Variants in HIPK1 observed in about 807,000 individuals in gnomAD.
HIPK1 encodes homeodomain-interacting protein kinase 1.
In HIPK1, 28 loss-of-function variants were observed where a neutral mutation model predicts 117.1. The ratio of observed to expected loss-of-function variants is 0.24; its 90% CI spans 0.18 to 0.33. The LOEUF (loss-of-function observed/expected upper bound fraction) is 0.33. Ranked by LOEUF, HIPK1 falls within the 10% of genes least tolerant of loss-of-function variation. The pLI, the probability that HIPK1 is intolerant of heterozygous loss-of-function variation, is 1.00. For missense variants in HIPK1, 1,122 were observed against 1,475.1 expected (o/e 0.76, Z 3.92); for synonymous variants, 605 against 562.5 (o/e 1.08, Z -1.07).
At chr1:113,961,442 G>T (rs1222419756) in intron 8 of HIPK1, among the ~76,000 whole-genome samples, 1 of 152,006 alleles carries the variant, frequency 6.6e-6, no homozygotes, top group Non-Finnish European at 1.5e-5. Context: ...GTTCATGCCT[G>T]GTTAAGGATA....
intron 10 of HIPK1, among the ~76,000 whole-genome samples, chr1:113,964,686 A>AT (rs1672334659): frequency 6.6e-6 from 1 of 152,230 alleles, no homozygotes; most frequent in Non-Finnish European, 1.5e-5. Context: ...TCACTTCCAG[A>AT]TTAATTTTCT....
intron 9 of HIPK1, among the ~76,000 whole-genome samples, chr1:113,962,713 C>G (rs554763651): frequency 3.9e-5 from 6 of 152,048 alleles, no homozygotes; most frequent in Admixed American, 1.3e-4. Context: ...CGGGGTGAAG[C>G]GTTTTTTTTT....
rs1347204895 is a variant in HIPK1 at position 113,974,238 on chromosome 1, T to G, written c.*726T>G. On this transcript the variant is annotated 3_prime_UTR_variant, in exon 16 of 16. Coordinates refer to ENST00000426820, the MANE Select transcript of HIPK1 (RefSeq NM_198268.3). The stretch of plus-strand genomic sequence containing the variant: ...GGCAGCTCACCATTTGCTGGTAACT[T>G]AATGTGAGAGAATCCATATCTGCGT... 6.6e-6 allele frequency: 1 copy of G among 152,606 alleles called. No homozygotes were observed. Among genetic ancestry groups the G allele is most frequent in the Non-Finnish European group, 1.5e-5 (1 of 68,030 alleles). The allele number at this position is 152,606 out of a possible 1,614,324, so 9.5% of individuals were successfully genotyped here. A position where few individuals can be genotyped will look rare whatever the true frequency, so the allele number is the denominator to read the frequency against.
At chr1:113,947,920 G>A in intron 2 of HIPK1, among the ~76,000 whole-genome samples, 1 of 152,252 alleles carries the variant, frequency 6.6e-6, no homozygotes, top group East Asian at 1.9e-4. Flanking sequence ...CCAGTTGTTG[G>A]AATGTTACAG....
intron 1 of HIPK1, chr1:113,929,825 C>T (rs1212619194): frequency 4.1e-6 from 4 of 986,156 alleles, no homozygotes; most frequent in Admixed American, 6.2e-5. Context: ...GGCCGGGGCC[C>T]GGGCCGGCTC....
chr1:113,972,937 A>C, intron 15 of HIPK1, 87 bp from the exon 16 acceptor site: 1 of 1,430,414 alleles, frequency 7.0e-7, no homozygotes, highest in Non-Finnish European at 9.4e-7. Context: ...AAACAGTACA[A>C]GTCAGAACCT....
At chr1:113,944,412 C>T (rs1212084113) in intron 2 of HIPK1, among the ~76,000 whole-genome samples, 3 of 151,368 alleles carry the variant, frequency 2.0e-5, no homozygotes, top group Admixed American at 2.0e-4. Context: ...GATCTGCCCA[C>T]CTTGGCCTCC....
chr1:113,940,553 ACTC>A lies in HIPK1; in HGVS notation c.174_176del (p.Ser59del). 1.2e-6 allele frequency: 2 copies of A among 1,613,746 alleles called. No individual in the cohort carries two copies. Among genetic ancestry groups the A allele is most frequent in the Non-Finnish European group, 1.7e-6 (2 of 1,179,924 alleles). On this transcript the variant is annotated inframe_deletion, in exon 2 of 16. Coordinates refer to ENST00000426820, the MANE Select transcript of HIPK1 (RefSeq NM_198268.3). ...CTCCCAGCCACACAAGGGCAAGCCA[ACTC>A]CTCTCACCAGGTAGCAAATTTCAAC...
rs369850193 is a variant in HIPK1, at chr1:113,971,792, A to G, written c.3014-32A>G. ...ATCTGAGGTTAGCTCAGTGATGTCTACTCATAACTATTAAGCCTGGTGCTT... is the reference window on the plus strand; with the variant it reads ...ATCTGAGGTTAGCTCAGTGATGTCTGCTCATAACTATTAAGCCTGGTGCTT... On this transcript the variant is annotated intron_variant, in intron 14 of 15. Coordinates refer to ENST00000426820, the MANE Select transcript of HIPK1 (RefSeq NM_198268.3). 9.5e-6 allele frequency: 15 copies of G among 1,581,792 alleles called. No homozygotes were observed. In the African/African-American group the frequency reaches 1.4e-4, roughly 14 times the overall value.
At chr1:113,937,019 A>G (rs1670296481) in intron 1 of HIPK1, among the ~76,000 whole-genome samples, 1 of 152,164 alleles carries the variant, frequency 6.6e-6, no homozygotes, top group Non-Finnish European at 1.5e-5. Flanking sequence ...TAATAGGTGC[A>G]TTTTGTAAAG....
intron 14 of HIPK1, 137 bp downstream of exon 14, chr1:113,970,334 A>C: frequency 1.1e-6 from 1 of 881,164 alleles, no homozygotes; most frequent in East Asian, 2.5e-5. Context: ...TTCAGAAATC[A>C]GTTCCCTGCA....
chr1:113,963,323 C>T, intron 9 of HIPK1, 64 bp from the exon 10 acceptor site: 2 of 1,573,498 alleles, frequency 1.3e-6, no homozygotes, highest in African/African-American at 1.4e-5. Flanking sequence ...GAATGAGAAC[C>T]CTTCTGAATC....
At chr1:113,953,074 T>C (rs1476129595) in intron 3 of HIPK1, among the ~76,000 whole-genome samples, 185 bp downstream of exon 3, 2 of 152,196 alleles carry the variant, frequency 1.3e-5, no homozygotes, top group Non-Finnish European at 2.9e-5. Flanking sequence ...GGCTAAAGTA[T>C]GTTTGCAATT....
chr1:113,956,696 G>A lies in HIPK1; in HGVS notation c.1477G>A (p.Asp493Asn), dbSNP rs775799694. 6.2e-7 allele frequency: 1 copy of A among 1,613,906 alleles called. No individual in the cohort carries two copies. ...AEKADRREYI[D>N]LLKKMLTIDA... is the part of the protein sequence containing the mutation. Reference sequence around the variant, plus strand: ...GAAGGCAGACCGAAGAGAATACATTGATCTGTTAAAGAAAATGCTCACAAT... The same window carrying A: ...GAAGGCAGACCGAAGAGAATACATTAATCTGTTAAAGAAAATGCTCACAAT... The change falls in exon 6 of 16, where the codon GAT (aspartate) becomes AAT (asparagine). Residue 493 changes from aspartate to asparagine, a missense_variant. By Grantham distance (23) the Asp-to-Asn change is conservative. This residue lies in a region of HIPK1 where 127 missense variants were observed against 197.9 expected (regional missense o/e 0.64). Coordinates refer to ENST00000426820, the MANE Select transcript of HIPK1 (RefSeq NM_198268.3).
At position 113,957,109 on chromosome 1, in the gene HIPK1, T is replaced by C. The variant is rs1362728406; in HGVS notation, c.1593-15T>C. 6.2e-7 allele frequency: 1 copy of C among 1,601,304 alleles called. No homozygotes were observed. The highest frequency in any genetic ancestry group is 1.1e-5 in the South Asian group (1 of 90,534). On this transcript the variant is annotated splice_polypyrimidine_tract_variant and intron_variant, in intron 6 of 15. Coordinates refer to ENST00000426820, the MANE Select transcript of HIPK1 (RefSeq NM_198268.3). ...TCTCAGCATTCATTTAATGAATCTTTAATCTCCTTTTCAGTGTTAAGTCTT... is the reference window on the plus strand; with the variant it reads ...TCTCAGCATTCATTTAATGAATCTTCAATCTCCTTTTCAGTGTTAAGTCTT...
intron 6 of HIPK1, 25 bp downstream of exon 6, chr1:113,956,836 T>C (rs1267487230): frequency 6.2e-7 from 1 of 1,605,936 alleles, no homozygotes; most frequent in Non-Finnish European, 8.5e-7. Context: ...TTCTGGGGCT[T>C]TTGCCATGTG....
chr1:113,973,190 A>G lies in HIPK1; in HGVS notation c.3311A>G (p.His1104Arg). ...CCACACCTTGCCCCGGCCCCTGCTC[A>G]CCTGCCAAGCCAGGCTCATCTGTAT... ...GHPHLAPAPAHLPSQAHLYTY... is the reference protein window; with the variant it reads ...GHPHLAPAPARLPSQAHLYTY... Residue 1104 changes from histidine (H) to arginine (R), a missense_variant, in exon 16 of 16, where the codon CAC becomes CGC. Physicochemically the swap from His to Arg is conservative, Grantham distance 29. Around this residue, in one of 6 missense-constraint regions of HIPK1, gnomAD observed 731 missense variants for 860.4 expected, o/e 0.85. Transcript: ENST00000426820. The G allele has an allele frequency of 6.2e-7, 1 of 1,612,692 alleles. No homozygotes were observed. The highest frequency in any genetic ancestry group is 8.5e-7 in the Non-Finnish European group (1 of 1,179,256).
chr1:113,932,380 T>G (rs969173201), intron 1 of HIPK1, among the ~76,000 whole-genome samples: 2 of 150,802 alleles, frequency 1.3e-5, no homozygotes, highest in South Asian at 2.1e-4. Context: ...GTTTTTTTTT[T>G]TTTTTTTTTT....
chr1:113,931,426 G>T (rs1571633245), intron 1 of HIPK1, among the ~76,000 whole-genome samples: 1 of 152,024 alleles, frequency 6.6e-6, no homozygotes, highest in Non-Finnish European at 1.5e-5. Context: ...AAGTACTTGC[G>T]GTTGGAACTG....
Sources: gnomAD v4.1 joint callset for allele counts (sites outside exome capture counted in the v4.1 genomes callset) on GRCh38, gnomAD v4.1.1 for gene constraint, gnomAD v4.1.1 regional missense constraint, MANE v1.5 for transcripts, NCBI Gene and HGNC (gene_info 2026-07-23, HGNC 2026-07-21) for gene names.